The following PMEPA1 variants were observed in gnomAD, a reference collection of about 807,000 sequenced individuals.
PMEPA1 encodes the protein protein TMEPAI.
In PMEPA1, 11 loss-of-function variants were observed where a neutral mutation model predicts 23.0. The ratio of observed to expected loss-of-function variants is 0.48; its 90% CI spans 0.30 to 0.79. PMEPA1 has a LOEUF of 0.79. Among genes scored for constraint, PMEPA1 ranks in the 30% least tolerant of loss-of-function variants. The pLI, the probability that PMEPA1 is intolerant of heterozygous loss-of-function variation, is 0.06. For synonymous variants in PMEPA1, 204 were observed against 166.4 expected (o/e 1.23, Z -1.74); for missense variants, 377 against 390.9 (o/e 0.96, Z 0.30).
At position 57,651,942 on chromosome 20, in the gene PMEPA1, G is replaced by A. The variant is rs1600767990; in HGVS notation, c.*111C>T. On this transcript the variant is annotated 3_prime_UTR_variant, in exon 4 of 4. Coordinates refer to ENST00000341744, the MANE Select transcript of PMEPA1 (RefSeq NM_020182.5). Reference sequence around the variant, plus strand: ...ATACACAGGGAGGTGGGAGGGGAGGGCCACACGATGCGTTGCTGCGCCCCC... The same window carrying A: ...ATACACAGGGAGGTGGGAGGGGAGGACCACACGATGCGTTGCTGCGCCCCC... 1.2e-6 allele frequency: 1 copy of A among 810,792 alleles called. No individual in the cohort carries two copies. The highest frequency in any genetic ancestry group is 2.9e-5 in the East Asian group (1 of 34,618). The allele number at this position is 810,792 out of a possible 1,614,324, so 50.2% of individuals were successfully genotyped here. A position where few individuals can be genotyped will look rare whatever the true frequency, so the allele number is the denominator to read the frequency against.
At chr20:57,705,753 G>A (rs777777892) in intron 1 of PMEPA1, among the ~76,000 whole-genome samples, 3 of 152,222 alleles carry the variant, frequency 2.0e-5, no homozygotes, top group Non-Finnish European at 4.4e-5. Flanking sequence ...TGATTAAACA[G>A]TGGTCTCAGT....
intron 1 of PMEPA1, chr20:57,690,719 A>G: frequency 2.0e-6 from 1 of 491,810 alleles, no homozygotes; most frequent in South Asian, 2.6e-5. Flanking sequence ...GAGTTTTGTA[A>G]GTGACACGCC....
chr20:57,683,984 T>C lies in PMEPA1; in HGVS notation c.110-24287A>G, dbSNP rs1314635013. 1.3e-5 allele frequency among the ~76,000 whole-genome samples: 2 copies of C among 152,210 alleles called. No homozygotes were observed. The highest frequency in any genetic ancestry group is 4.8e-5 in the African/African-American group (2 of 41,444). ...TGGAGTGTTATGGGATGTCCTTCTC[T>C]ATCTCCTGCAGACGAAATGTCCCAC... On this transcript the variant is annotated intron_variant, in intron 1 of 3. Transcript: ENST00000341744. The surrounding 1 kb of genome is among the most constrained non-coding windows in gnomAD (Gnocchi z 4.3).
rs1383243427 is a variant in PMEPA1, at chr20:57,649,867, G to C, written c.*2186C>G. 1 of 152,586 alleles carries C rather than the reference G, an allele frequency of 6.6e-6. No individual in the cohort carries two copies. The highest frequency in any genetic ancestry group is 2.4e-5 in the African/African-American group (1 of 41,424). The allele number at this position is 152,586 out of a possible 1,614,324, so 9.5% of individuals were successfully genotyped here. Reference sequence around the variant, plus strand: ...CGGGAACGTCCTCACCGAGCGACGGGAGTGTCACTGCTTCTTCAGTAAGGC... The same window carrying C: ...CGGGAACGTCCTCACCGAGCGACGGCAGTGTCACTGCTTCTTCAGTAAGGC... On this transcript the variant is annotated 3_prime_UTR_variant, in exon 4 of 4. Coordinates refer to ENST00000341744, the MANE Select transcript of PMEPA1 (RefSeq NM_020182.5).
intron 1 of PMEPA1, 29 bp downstream of exon 1, chr20:57,709,445 T>G (rs2072134429): frequency 9.2e-7 from 1 of 1,091,106 alleles, no homozygotes; most frequent in Non-Finnish European, 1.1e-6. Flanking sequence ...CGATGGAGTC[T>G]CCGGGGAGGG....
In PMEPA1 at chr20:57,656,238, C is replaced by T. The variant is rs1363520024; in HGVS notation, c.265-3152G>A. On this transcript the variant is annotated intron_variant, in intron 2 of 3. Coordinates refer to ENST00000341744, the MANE Select transcript of PMEPA1 (RefSeq NM_020182.5). The surrounding 1 kb of genome is among the most constrained non-coding windows in gnomAD (Gnocchi z 4.7). ...CCAGCACAAGGGGCCTGGGGGAATT[C>T]GGTATCTCCTGAGGCCATGGGAGTG... Among the ~76,000 whole-genome samples the T allele has an allele frequency of 2.0e-5, 3 of 150,376 alleles. No homozygotes were observed. The highest frequency in any genetic ancestry group is 6.6e-5 in the Admixed American group (1 of 15,232).
intron 1 of PMEPA1, among the ~76,000 whole-genome samples, chr20:57,677,122 T>C (rs1220621536): frequency 6.6e-6 from 1 of 152,210 alleles, no homozygotes; most frequent in Non-Finnish European, 1.5e-5. Context: ...TCATCCCACA[T>C]GTGCTCTCAC....
At chr20:57,674,861 C>A (rs1476313203) in intron 1 of PMEPA1, among the ~76,000 whole-genome samples, 1 of 152,252 alleles carries the variant, frequency 6.6e-6, no homozygotes, top group Non-Finnish European at 1.5e-5. Flanking sequence ...GATCTGTCCT[C>A]TCTGGAGCAC....
At chr20:57,701,094 T>C (rs60128421) in intron 1 of PMEPA1, among the ~76,000 whole-genome samples, 6,781 of 151,686 alleles carry the variant, frequency 0.045, 280 homozygotes, top group African/African-American at 0.11. Context: ...AATCAGACTA[T>C]AGTTCGAATC....
At chr20:57,681,682 T>C (rs1249841535) in intron 1 of PMEPA1, among the ~76,000 whole-genome samples, 9 of 152,164 alleles carry the variant, frequency 5.9e-5, no homozygotes, top group Admixed American at 5.9e-4. Flanking sequence ...CAAAACTCGA[T>C]TCTCTGTGGT....
In PMEPA1 at chr20:57,651,872, T is replaced by C. The variant is rs2071235687; in HGVS notation, c.*181A>G. The C allele has an allele frequency of 8.0e-6, 3 of 376,130 alleles. No homozygotes were observed. Among genetic ancestry groups the C allele is most frequent in the Admixed American group, 9.5e-5 (2 of 21,136 alleles). The allele number at this position is 376,130 out of a possible 1,614,324, so 23.3% of individuals were successfully genotyped here. ...CTTTTTTCTTTTTTTTTTTGCAAGC[T>C]CTCTTAGCTTGTGCATTCAGACCAG... is the stretch of plus-strand genomic sequence containing the variant. On this transcript the variant is annotated 3_prime_UTR_variant, in exon 4 of 4. Coordinates refer to ENST00000341744, the MANE Select transcript of PMEPA1 (RefSeq NM_020182.5).
At chr20:57,684,805 C>T (rs951568024) in intron 1 of PMEPA1, among the ~76,000 whole-genome samples, 5 of 150,114 alleles carry the variant, frequency 3.3e-5, no homozygotes, top group African/African-American at 1.2e-4. Flanking sequence ...AAAACATTGC[C>T]ACAAAAGGAG....
Position 57,649,523 on chromosome 20 carries a change from C to T in PMEPA1, c.*2530G>A, listed in dbSNP as rs34378889. On this transcript the variant is annotated 3_prime_UTR_variant, in exon 4 of 4. Transcript: ENST00000341744. ...CTCCCCTTTCTCACGCAAAGCCATT[C>T]CCACAAATCCAGACCATACCATGAA... 7.3e-3 allele frequency: 1,111 copies of T among 152,410 alleles called. 2 individuals carry two copies. Among genetic ancestry groups the T allele is most frequent in the Middle Eastern group, 0.014 (4 of 296 alleles). 9.4% of individuals were successfully genotyped at this position (152,410 alleles called of 1,614,324 possible).
At chr20:57,681,452 T>C (rs2071712142) in intron 1 of PMEPA1, among the ~76,000 whole-genome samples, 1 of 152,136 alleles carries the variant, frequency 6.6e-6, no homozygotes, top group Admixed American at 6.5e-5. Context: ...GAGACCTCTC[T>C]AGGGTGTCCC....
chr20:57,667,757 GC>G, intron 1 of PMEPA1, among the ~76,000 whole-genome samples: 1 of 152,302 alleles, frequency 6.6e-6, no homozygotes, highest in Middle Eastern at 3.4e-3. Context: ...TTGTCATTCT[GC>G]AGAGCCCCAG....
intron 1 of PMEPA1, among the ~76,000 whole-genome samples, chr20:57,661,112 G>A (rs550788448): frequency 1.3e-5 from 2 of 152,302 alleles, no homozygotes; most frequent in Middle Eastern, 3.4e-3. Flanking sequence ...GTTGCCATTC[G>A]CATTTTCTAA....
intron 1 of PMEPA1, among the ~76,000 whole-genome samples, chr20:57,703,974 C>T (rs371206111): frequency 3.9e-5 from 6 of 152,154 alleles, no homozygotes; most frequent in Non-Finnish European, 5.9e-5. Context: ...AAAGGGGACA[C>T]GGCCAGCAAG....
intron 1 of PMEPA1, among the ~76,000 whole-genome samples, chr20:57,680,092 C>T (rs1243595017): frequency 1.3e-5 from 2 of 152,186 alleles, no homozygotes; most frequent in Admixed American, 6.5e-5. Flanking sequence ...GCACTGCAAG[C>T]CCCAGGGAAC....
chr20:57,682,237 C>T lies in PMEPA1; in HGVS notation c.110-22540G>A, dbSNP rs533467286. On this transcript the variant is annotated intron_variant, in intron 1 of 3. Coordinates refer to ENST00000341744, the MANE Select transcript of PMEPA1 (RefSeq NM_020182.5). The surrounding 1 kb of genome is among the most constrained non-coding windows in gnomAD (Gnocchi z 4.4). ...CACAGCTACCTTCGATGGGAGGTGA[C>T]GGCGTAGCAAAGGCTCCCAGTGGGA... 1.6e-3 allele frequency among the ~76,000 whole-genome samples: 246 copies of T among 152,318 alleles called. No homozygotes were observed. Among genetic ancestry groups the T allele is most frequent in the African/African-American group, 5.5e-3 (230 of 41,548 alleles).
Sources: gnomAD v4.1 joint callset for allele counts (sites outside exome capture counted in the v4.1 genomes callset) on GRCh38, gnomAD v4.1.1 for gene constraint, Gnocchi (gnomAD v3.1) non-coding constraint, MANE v1.5 for transcripts, NCBI Gene and HGNC (gene_info 2026-07-23, HGNC 2026-07-21) for gene names.